Variants in JMJD1C observed in about 807,000 individuals in gnomAD.
The protein encoded by JMJD1C is jumonji domain containing 1C.
A neutral mutation model predicts 245.3 loss-of-function variants in JMJD1C; 31 were observed. That is an observed-to-expected ratio of 0.13 (90% CI 0.09 to 0.17). The LOEUF is 0.17. JMJD1C is among the 10% of genes least tolerant of loss of function. The pLI is 1.00. For synonymous variants in JMJD1C, 1,057 were observed against 1,017.4 expected, an observed-to-expected ratio of 1.04 and a Z score of -0.74; for missense variants, 2,691 against 3,000.2, an observed-to-expected ratio of 0.90 and a Z score of 2.41.
At chr10:63,210,606 C>T (rs1280128820) in intron 8 of JMJD1C, among the ~76,000 whole-genome samples, 2 of 152,122 alleles carry the variant, frequency 1.3e-5, no homozygotes, top group Admixed American at 6.5e-5. Flanking sequence ...AGGAAAAAGA[C>T]ACAAATCTGT....
Position 63,213,841 on chromosome 10 carries a change from T to G in JMJD1C, c.2326A>C (p.Thr776Pro). 1 of 1,613,832 alleles carries G rather than the reference T, an allele frequency of 6.2e-7. No individual in the cohort carries two copies. The highest frequency in any genetic ancestry group is 1.1e-5 in the South Asian group (1 of 91,078). ...AGSSSQTPLP[T>P]INTHPLTSGP... ...CTAGTCAGAGGATGAGTGTTAATGG[T>G]AGGTAATGGAGTTTGACTAGATGAT... Residue 776 changes from threonine (T) to proline (P), a missense_variant, in exon 8 of 26, where the codon ACC becomes CCC. Physicochemically the swap from Thr to Pro is conservative, Grantham distance 38 (BLOSUM62 -1). Around this residue, in one of 9 missense-constraint regions of JMJD1C, gnomAD observed 1,562 missense variants for 1,490.7 expected, o/e 1.05. Coordinates refer to ENST00000399262, the MANE Select transcript of JMJD1C (RefSeq NM_032776.3).
rs181369726 is a variant in JMJD1C at position 63,184,317 on chromosome 10, T to A, written c.6961+291A>T. ...GTGCAGTAGTGCAATCTCAGCTCAC[T>A]GCAACCTCCACGCCTCCTGGGTTCA... On this transcript the variant is annotated intron_variant, in intron 21 of 25. Transcript: ENST00000399262. 6.5e-3 allele frequency among the ~76,000 whole-genome samples: 979 copies of A among 150,530 alleles called. 12 individuals are homozygous for A. Among genetic ancestry groups the A allele is most frequent in the Admixed American group, 0.017 (260 of 15,054 alleles).
At chr10:63,407,978 C>T (rs1832482250) in intron 1 of JMJD1C, among the ~76,000 whole-genome samples, 1 of 151,888 alleles carries the variant, frequency 6.6e-6, no homozygotes, top group South Asian at 2.1e-4. Flanking sequence ...GTTCAATATC[C>T]CAACACAAGT....
At chr10:63,488,444 T>TACATTAGAGAAAAAGAAAAATCA (rs1954066200) in intron 1 of JMJD1C, among the ~76,000 whole-genome samples, 2 of 151,992 alleles carry the variant, frequency 1.3e-5, no homozygotes, top group Non-Finnish European at 2.9e-5. Flanking sequence ...ATATAAAACA[T>TACATTAGAGAAAAAGAAAAATCA]ACATTAGAGA....
At chr10:63,406,040 T>C (rs894637014) in intron 1 of JMJD1C, among the ~76,000 whole-genome samples, 13 of 152,146 alleles carry the variant, frequency 8.5e-5, no homozygotes, top group African/African-American at 2.9e-4. Flanking sequence ...CCTGCATAAA[T>C]TCAGGAGGCT....
chr10:63,363,275 T>TTC (rs1945553528), intron 2 of JMJD1C, among the ~76,000 whole-genome samples: 1 of 141,578 alleles, frequency 7.1e-6, no homozygotes, highest in Non-Finnish European at 1.5e-5. Context: ...TTTTTTTTTT[T>TTC]CCTGATGGAG....
chr10:63,238,238 T>C (rs1237611376), intron 3 of JMJD1C, among the ~76,000 whole-genome samples: 2 of 150,008 alleles, frequency 1.3e-5, no homozygotes, highest in Non-Finnish European at 1.5e-5. Flanking sequence ...CAATGTATCA[T>C]AATAGAAAAG....
intron 2 of JMJD1C, among the ~76,000 whole-genome samples, chr10:63,298,730 T>C (rs546210191): frequency 5.9e-5 from 9 of 152,262 alleles, no homozygotes; most frequent in Admixed American, 3.9e-4. Flanking sequence ...GAATGCCACA[T>C]TCATTCTAAT....
At chr10:63,504,321 G>C (rs1954651680) in intron 1 of JMJD1C, among the ~76,000 whole-genome samples, 1 of 152,176 alleles carries the variant, frequency 6.6e-6, no homozygotes, top group Non-Finnish European at 1.5e-5. Context: ...CAGTGGTTAA[G>C]TACAATGCAG....
intron 2 of JMJD1C, among the ~76,000 whole-genome samples, chr10:63,308,318 ATAT>A (rs1278949571): frequency 2.0e-5 from 3 of 152,168 alleles, no homozygotes; most frequent in Non-Finnish European, 2.9e-5. Flanking sequence ...CTAGGAGATG[ATAT>A]CTCAAAATTC....
intron 1 of JMJD1C, among the ~76,000 whole-genome samples, chr10:63,493,758 T>TTATG (rs1954257491): frequency 6.6e-6 from 1 of 152,194 alleles, no homozygotes; most frequent in South Asian, 2.1e-4. Context: ...GATTAGCCAT[T>TTATG]TTCACAGAGC....
Position 63,392,010 on chromosome 10 carries a change from A to C in JMJD1C, c.169-11528T>G, listed in dbSNP as rs1589654264. 2.6e-5 allele frequency among the ~76,000 whole-genome samples: 4 copies of C among 152,334 alleles called. No individual in the cohort carries two copies. In the South Asian group the frequency reaches 8.3e-4, roughly 32 times the overall value. The stretch of plus-strand genomic sequence containing the variant: ...GTTGCTAACAGTGTAACATGTATTT[A>C]AAACCACTGATTTCTTTCACTGTCG... On this transcript the variant is annotated intron_variant, in intron 1 of 25. Transcript: ENST00000399262.
At chr10:63,410,831 CG>C (rs1320140595) in intron 1 of JMJD1C, among the ~76,000 whole-genome samples, 1 of 152,082 alleles carries the variant, frequency 6.6e-6, no homozygotes, top group Non-Finnish European at 1.5e-5. Context: ...AGATAAGAGC[CG>C]TATCTTCCAA....
chr10:63,520,372 A>G (rs1267681376), intron 1 of JMJD1C, among the ~76,000 whole-genome samples: 1 of 152,206 alleles, frequency 6.6e-6, no homozygotes, highest in Non-Finnish European at 1.5e-5. Context: ...CTTTAATTAA[A>G]GGCTCCAAGC....
chr10:63,167,707 C>T lies in JMJD1C; in HGVS notation c.*338G>A, dbSNP rs893281975. 2 of 176,186 alleles carry T rather than the reference C, an allele frequency of 1.1e-5. No homozygotes were observed. Among genetic ancestry groups the T allele is most frequent in the African/African-American group, 2.4e-5 (1 of 42,400 alleles). The allele number at this position is 176,186 out of a possible 1,614,324, so 10.9% of individuals were successfully genotyped here. ...AATTTTAGTAAACTGTACAAGGTCA[C>T]ATTTACACTTGATCAACAATATAGC... is the stretch of plus-strand genomic sequence containing the variant. On this transcript the variant is annotated 3_prime_UTR_variant, in exon 26 of 26. Transcript: ENST00000399262.
chr10:63,295,962 T>TACAC (rs1859345468), intron 2 of JMJD1C, among the ~76,000 whole-genome samples: 5 of 6,726 alleles, frequency 7.4e-4, no homozygotes, highest in South Asian at 3.7e-3. Flanking sequence ...CACGTATATG[T>TACAC]GTGTGTGTGT....
At chr10:63,404,068 T>C (rs1181844352) in intron 1 of JMJD1C, among the ~76,000 whole-genome samples, 2 of 151,870 alleles carry the variant, frequency 1.3e-5, no homozygotes, top group South Asian at 2.1e-4. Flanking sequence ...TGAGCTGAAA[T>C]TGCACCACTG....
intron 2 of JMJD1C, among the ~76,000 whole-genome samples, chr10:63,317,844 T>C (rs1443697177): frequency 1.3e-5 from 2 of 152,166 alleles, no homozygotes; most frequent in African/African-American, 2.4e-5. Context: ...AGGTCACTGA[T>C]CTTTTTTCTT....
chr10:63,408,456 T>G (rs11819392), intron 1 of JMJD1C, among the ~76,000 whole-genome samples: 1,525 of 151,786 alleles, frequency 0.01, 28 homozygotes, highest in African/African-American at 0.034. Flanking sequence ...ATTGTGAAAT[T>G]TCCAAGCAGA....
Sources: allele counts gnomAD v4.1 joint callset (sites outside exome capture counted in the v4.1 genomes callset), GRCh38; gene constraint gnomAD v4.1.1; regional missense constraint gnomAD v4.1.1; transcripts MANE v1.5; gene names NCBI Gene and HGNC (gene_info 2026-07-23, HGNC 2026-07-21).